Variants in IL1R1 observed in about 807,000 individuals in gnomAD.
IL1R1 encodes interleukin-1 receptor type 1.
In IL1R1, 22 loss-of-function variants were observed where a neutral mutation model predicts 50.2. The observed-to-expected ratio is 0.44, with a 90% CI of 0.31 to 0.63. The LOEUF (loss-of-function observed/expected upper bound fraction) is 0.63. Ranked by LOEUF, IL1R1 falls within the 20% of genes least tolerant of loss-of-function variation. The probability of loss-of-function intolerance (pLI) is 0.07; values close to 1 mark genes in which losing one functional copy is unlikely to be tolerated. For missense variants in IL1R1, 509 were observed against 676.2 expected, an observed-to-expected ratio of 0.75 and a Z score of 2.74; for synonymous variants, 251 against 236.7, an observed-to-expected ratio of 1.06 and a Z score of -0.55.
chr2:102,075,916 A>C (rs959300755), intron 1 of IL1R1, among the ~76,000 whole-genome samples: 1 of 152,212 alleles, frequency 6.6e-6, no homozygotes, highest in South Asian at 2.1e-4. Flanking sequence ...CCAGGGAGGG[A>C]TCAACAGTGC....
At chr2:102,072,261 C>T (rs62154656) in intron 1 of IL1R1, among the ~76,000 whole-genome samples, 1 of 139,330 alleles carries the variant, frequency 7.2e-6, no homozygotes, top group Non-Finnish European at 1.5e-5. Flanking sequence ...CTCTGTGTCA[C>T]CAAAAAAAAA....
At chr2:102,073,027 C>T (rs1678801723) in intron 1 of IL1R1, among the ~76,000 whole-genome samples, 1 of 152,176 alleles carries the variant, frequency 6.6e-6, no homozygotes, top group Non-Finnish European at 1.5e-5. Flanking sequence ...GATGCCTTTT[C>T]CCTGTCCTCA....
upstream of IL1R1, among the ~76,000 whole-genome samples, chr2:102,138,272 G>C (rs938480779): frequency 3.3e-5 from 5 of 152,172 alleles, no homozygotes; most frequent in African/African-American, 4.8e-5. Context: ...TTGGCCTCTG[G>C]AACTTGCTGT....
chr2:102,139,267 A>G (rs1461437542), upstream of IL1R1, among the ~76,000 whole-genome samples: 2 of 151,690 alleles, frequency 1.3e-5, no homozygotes, highest in African/African-American at 4.9e-5. Flanking sequence ...GTGTCTGGGG[A>G]CTCTCAGCTG....
At chr2:102,128,672 A>C (rs1215960757) in intron 1 of IL1R1, among the ~76,000 whole-genome samples, 6 of 152,202 alleles carry the variant, frequency 3.9e-5, no homozygotes, top group Non-Finnish European at 8.8e-5. Flanking sequence ...AGTAACCATC[A>C]TTCTGCACTT....
At chr2:102,099,911 G>T (rs911765433), upstream of IL1R1, among the ~76,000 whole-genome samples, 1 of 152,118 alleles carries the variant, frequency 6.6e-6, no homozygotes. Context: ...TCTTAATGGC[G>T]TCTTTTGGGA....
intron 1 of IL1R1, among the ~76,000 whole-genome samples, chr2:102,132,454 G>C (rs1383066621): frequency 6.6e-6 from 1 of 152,094 alleles, no homozygotes; most frequent in Non-Finnish European, 1.5e-5. Flanking sequence ...TATAGGAACA[G>C]TTTTAGCACT....
chr2:102,152,366 G>A (rs951057631), intron 1 of IL1R1, among the ~76,000 whole-genome samples: 14 of 151,364 alleles, frequency 9.2e-5, no homozygotes, highest in Non-Finnish European at 1.8e-4. Context: ...TTAGCCGGGC[G>A]TGGTGGCAGG....
chr2:102,093,917 G>A (rs1679790667), intron 1 of IL1R1, among the ~76,000 whole-genome samples: 1 of 152,204 alleles, frequency 6.6e-6, no homozygotes. Context: ...TCCTGCAGCA[G>A]TGTGGGGTCC....
intron 1 of IL1R1, among the ~76,000 whole-genome samples, chr2:102,132,654 GTCAT>G (rs1171220350): frequency 6.6e-6 from 1 of 152,160 alleles, no homozygotes; most frequent in African/African-American, 2.4e-5. Flanking sequence ...AAGCTTTGAT[GTCAT>G]TTGATGACAC....
intron 1 of IL1R1, among the ~76,000 whole-genome samples, chr2:102,130,141 G>A (rs1190734634): frequency 1.3e-5 from 2 of 152,184 alleles, no homozygotes; most frequent in East Asian, 1.9e-4. Flanking sequence ...GAGAAGTTCT[G>A]CATCATGCGG....
chr2:102,113,759 G>A lies in IL1R1; in HGVS notation c.-84+8887G>A, dbSNP rs528655998. Among the ~76,000 whole-genome samples the A allele has an allele frequency of 2.1e-4, 32 of 152,238 alleles. 1 individual carries two copies. The highest frequency in any genetic ancestry group is 1.8e-3 in the Admixed American group (28 of 15,284). ...CACCTCATCTGCTATTCTAGAACCGGCCAGGATCAGCAGCCATCCATCTCC... is the reference window on the plus strand; with the variant it reads ...CACCTCATCTGCTATTCTAGAACCGACCAGGATCAGCAGCCATCCATCTCC... On this transcript the variant is annotated intron_variant, in intron 1 of 10. Transcript: ENST00000409329.
chr2:102,105,149 T>G (rs2104347089), intron 1 of IL1R1, among the ~76,000 whole-genome samples: 1 of 152,342 alleles, frequency 6.6e-6, no homozygotes, highest in South Asian at 2.1e-4. Flanking sequence ...GGAAATATAC[T>G]TTATAACTGT....
upstream of IL1R1, among the ~76,000 whole-genome samples, chr2:102,102,826 GA>G (rs1184130821): frequency 2.6e-5 from 4 of 152,122 alleles, no homozygotes; most frequent in Non-Finnish European, 5.9e-5. Flanking sequence ...CCATGAAAAA[GA>G]ACAAGATCAT....
intron 1 of IL1R1, among the ~76,000 whole-genome samples, chr2:102,126,839 A>G (rs1169720624): frequency 6.6e-6 from 1 of 152,210 alleles, no homozygotes; most frequent in Non-Finnish European, 1.5e-5. Context: ...GATTCAAGCC[A>G]TCCCTCTCTC....
intron 1 of IL1R1, among the ~76,000 whole-genome samples, chr2:102,075,623 G>A (rs1421790380): frequency 1.3e-5 from 2 of 152,138 alleles, no homozygotes; most frequent in African/African-American, 4.8e-5. Flanking sequence ...CATGCAACTG[G>A]TTTGCAAGTT....
intron 1 of IL1R1, among the ~76,000 whole-genome samples, chr2:102,125,331 A>G (rs1473606343): frequency 6.6e-6 from 1 of 152,220 alleles, no homozygotes; most frequent in East Asian, 1.9e-4. Context: ...ATTCTTCATC[A>G]TATTTGCATC....
chr2:102,093,019 T>G (rs1452209614), intron 1 of IL1R1, among the ~76,000 whole-genome samples: 1 of 152,246 alleles, frequency 6.6e-6, no homozygotes, highest in African/African-American at 2.4e-5. Flanking sequence ...AAGGTGCTGA[T>G]TAGCAGTTTT....
At chr2:102,107,707 C>T (rs1287972581) in intron 1 of IL1R1, among the ~76,000 whole-genome samples, 2 of 152,120 alleles carry the variant, frequency 1.3e-5, no homozygotes, top group Admixed American at 1.3e-4. Context: ...TCTTAATTTA[C>T]CTTAAGGAAA....
Sources: gnomAD v4.1 joint callset for allele counts (sites outside exome capture counted in the v4.1 genomes callset) on GRCh38, gnomAD v4.1.1 for gene constraint, MANE v1.5 for transcripts, NCBI Gene and HGNC (gene_info 2026-07-23, HGNC 2026-07-21) for gene names.